RBPJ: variants seen among roughly 807,000 people sequenced by gnomAD.
RBPJ encodes the protein recombining binding protein suppressor of hairless.
RBPJ carries 9 observed loss-of-function variants against 67.8 expected under a neutral mutation model. The observed-to-expected ratio is 0.13, with a 90% CI of 0.08 to 0.23. The LOEUF is 0.23. RBPJ is among the 10% of genes least tolerant of loss of function. The pLI is 1.00. For synonymous variants in RBPJ, 198 were observed against 203.3 expected (o/e 0.97, Z 0.22); for missense variants, 305 against 595.6 (o/e 0.51, Z 5.08).
At chr4:26,244,283 A>T (rs201774776) in intron 1 of RBPJ, among the ~76,000 whole-genome samples, 1 of 121,622 alleles carries the variant, frequency 8.2e-6, no homozygotes, top group East Asian at 3.0e-4. Context: ...ATATGTGTGT[A>T]TATGTATACA....
At chr4:26,339,813 A>G (rs1295570038) in intron 1 of RBPJ, among the ~76,000 whole-genome samples, 1 of 152,202 alleles carries the variant, frequency 6.6e-6, no homozygotes, top group Non-Finnish European at 1.5e-5. Flanking sequence ...TGAGGTCAGG[A>G]GTTTAAGACC....
chr4:26,250,488 T>C (rs1204708814), intron 1 of RBPJ, among the ~76,000 whole-genome samples: 2 of 152,018 alleles, frequency 1.3e-5, no homozygotes, highest in African/African-American at 4.8e-5. Context: ...TGTGCCACCA[T>C]GCCCGGCTAA....
In RBPJ at chr4:26,431,077, T is replaced by C; in HGVS notation, c.*70T>C. The C allele has an allele frequency of 7.2e-7, 1 of 1,393,548 alleles. No individual in the cohort carries two copies. Among genetic ancestry groups the C allele is most frequent in the Non-Finnish European group, 9.9e-7 (1 of 1,010,394 alleles). 86.3% of individuals were successfully genotyped at this position (1,393,548 alleles called of 1,614,324 possible). A position where few individuals can be genotyped will look rare whatever the true frequency, so the allele number is the denominator to read the frequency against. On this transcript the variant is annotated 3_prime_UTR_variant, in exon 11 of 11. Coordinates refer to ENST00000355476, the MANE Select transcript of RBPJ (RefSeq NM_015874.6). ...AAAGTTAACAAAAAAGGAGAAAAAA[T>C]GAACAATCGTTTGTGGTTTCTTGGG...
At chr4:26,174,939 G>T (rs1478514966) in intron 1 of RBPJ, among the ~76,000 whole-genome samples, 2 of 152,058 alleles carry the variant, frequency 1.3e-5, no homozygotes, top group Admixed American at 1.3e-4. Context: ...TATGGGAAAT[G>T]AATTCACTTA....
rs1451161028 is a variant in RBPJ, at chr4:26,424,892, T to C, written c.747+149T>C. On this transcript the variant is annotated intron_variant, in intron 7 of 10. Transcript: ENST00000355476. The surrounding 1 kb of genome is among the most constrained non-coding windows in gnomAD (Gnocchi z 5.3). ...GTTAGTAATCAGTGCTGTTTATAAT[T>C]GACAGTTATGCTCTACCTTATTTCA... 5 of 553,598 alleles carry C rather than the reference T, an allele frequency of 9.0e-6. No individual in the cohort carries two copies. In the African/African-American group the frequency reaches 9.6e-5, roughly 11 times the overall value. The allele number at this position is 553,598 out of a possible 1,614,324, so 34.3% of individuals were successfully genotyped here. A position where few individuals can be genotyped will look rare whatever the true frequency, so the allele number is the denominator to read the frequency against.
chr4:26,385,890 A>G (rs1201954345), intron 1 of RBPJ, among the ~76,000 whole-genome samples: 2 of 151,712 alleles, frequency 1.3e-5, no homozygotes, highest in Admixed American at 1.3e-4. Flanking sequence ...GCACCCTTGA[A>G]CCCTTGGGCT....
At chr4:26,395,292 A>AG (rs1732002259) in intron 2 of RBPJ, among the ~76,000 whole-genome samples, 1 of 152,100 alleles carries the variant, frequency 6.6e-6, no homozygotes, top group Non-Finnish European at 1.5e-5. Context: ...ATTAAAAAAA[A>AG]TTAAAGAATT....
chr4:26,247,928 G>C (rs765211633), intron 1 of RBPJ, among the ~76,000 whole-genome samples: 1 of 152,092 alleles, frequency 6.6e-6, no homozygotes, highest in Admixed American at 6.6e-5. Flanking sequence ...ACAGAAGCCC[G>C]ATCCTCAGCA....
intron 1 of RBPJ, among the ~76,000 whole-genome samples, chr4:26,311,034 A>G (rs1185829331): frequency 6.6e-6 from 1 of 152,196 alleles, no homozygotes; most frequent in East Asian, 1.9e-4. Flanking sequence ...AGATGAATGC[A>G]AGTTATGGAC....
chr4:26,333,588 C>T (rs916533905), intron 1 of RBPJ, among the ~76,000 whole-genome samples: 4 of 151,930 alleles, frequency 2.6e-5, no homozygotes, highest in African/African-American at 7.3e-5. Flanking sequence ...GGACGTCTCA[C>T]TCTGTTACCC....
chr4:26,159,539 G>A (rs988540054), upstream of RBPJ, among the ~76,000 whole-genome samples: 9 of 152,286 alleles, frequency 5.9e-5, no homozygotes, highest in African/African-American at 2.2e-4. Flanking sequence ...ATTTCCCAAA[G>A]TGTGTATATC....
At chr4:26,327,937 A>G in intron 1 of RBPJ, among the ~76,000 whole-genome samples, 1 of 152,288 alleles carries the variant, frequency 6.6e-6, no homozygotes, top group South Asian at 2.1e-4. Context: ...TAAATGTAAT[A>G]TTGTAGTTTT....
the RBPJ span, chr4:26,113,641 C>A: frequency 2.2e-5 from 7 of 313,004 alleles, no homozygotes; most frequent in Non-Finnish European, 4.6e-5. Context: ...AGGGAACACA[C>A]ACACGAGAGA....
intron 1 of RBPJ, among the ~76,000 whole-genome samples, chr4:26,234,720 TCTCG>T (rs1323903436): frequency 6.6e-6 from 1 of 152,068 alleles, no homozygotes; most frequent in Non-Finnish European, 1.5e-5. Flanking sequence ...TGAGATAGAG[TCTCG>T]CTCTGTCACC....
chr4:26,301,519 G>A (rs1426920360), intron 1 of RBPJ, among the ~76,000 whole-genome samples: 1 of 151,630 alleles, frequency 6.6e-6, no homozygotes, highest in Non-Finnish European at 1.5e-5. Flanking sequence ...GTGAACCTGG[G>A]AGGCGGAGCT....
Position 26,431,266 on chromosome 4 carries a change from T to G in RBPJ, c.*259T>G. Reference sequence around the variant, plus strand: ...GAAATCAAGTTTTTCAGCTGTTTTGTTGGTTGGTTGGTTGGTTTTTGTTTG... The same window carrying G: ...GAAATCAAGTTTTTCAGCTGTTTTGGTGGTTGGTTGGTTGGTTTTTGTTTG... On this transcript the variant is annotated 3_prime_UTR_variant, in exon 11 of 11. Transcript: ENST00000355476. 1 of 338,784 alleles carries G rather than the reference T, an allele frequency of 3.0e-6. No individual in the cohort carries two copies. Among genetic ancestry groups the G allele is most frequent in the South Asian group, 5.7e-5 (1 of 17,446 alleles). The allele number at this position is 338,784 out of a possible 1,614,324, so 21.0% of individuals were successfully genotyped here. A position where few individuals can be genotyped will look rare whatever the true frequency, so the allele number is the denominator to read the frequency against.
At chr4:26,319,995 G>A (rs917727340), upstream of RBPJ, 113 of 985,560 alleles carry the variant, frequency 1.1e-4, no homozygotes, top group Middle Eastern at 9.9e-4. Flanking sequence ...AGCGCGATTC[G>A]GGCAGCCGGC....
intron 1 of RBPJ, among the ~76,000 whole-genome samples, chr4:26,260,673 T>C (rs1720496817): frequency 1.3e-5 from 2 of 152,208 alleles, no homozygotes; most frequent in African/African-American, 2.4e-5. Flanking sequence ...TTGCAGATTA[T>C]TTTGTATGTT....
chr4:26,137,002 C>A, the RBPJ span, among the ~76,000 whole-genome samples: 1 of 152,148 alleles, frequency 6.6e-6, no homozygotes, highest in African/African-American at 2.4e-5. Context: ...AATAAACAAG[C>A]CTGTCTATTC....
Sources: allele counts gnomAD v4.1 joint callset (sites outside exome capture counted in the v4.1 genomes callset), GRCh38; gene constraint gnomAD v4.1.1; non-coding constraint Gnocchi (gnomAD v3.1); transcripts MANE v1.5; gene names NCBI Gene and HGNC (gene_info 2026-07-23, HGNC 2026-07-21).